Variants in GYS2 observed in about 807,000 individuals in gnomAD.
The protein encoded by GYS2 is glycogen [starch] synthase, liver.
Under a neutral mutation model 85.6 loss-of-function variants are expected in GYS2, and 80 were observed. That is an observed-to-expected ratio of 0.93 (90% CI 0.78 to 1.13). The LOEUF is 1.13. GYS2 is among the 50% of genes most tolerant of loss of function. GYS2 has a pLI of 0.00. For synonymous variants in GYS2, 328 were observed against 300.7 expected (o/e 1.09, Z -0.94); for missense variants, 881 against 854.9 (o/e 1.03, Z -0.38).
chr12:21,547,616 G>C (rs2136852729), intron 11 of GYS2, among the ~76,000 whole-genome samples: 1 of 152,300 alleles, frequency 6.6e-6, no homozygotes, highest in South Asian at 2.1e-4. Flanking sequence ...AGGCGTCAGG[G>C]GTGAGGGAGG....
At chr12:21,559,578 A>T in intron 9 of GYS2, 73 bp downstream of exon 9, 1 of 846,478 alleles carries the variant, frequency 1.2e-6, no homozygotes, top group Non-Finnish European at 2.0e-6. Flanking sequence ...TTAATAAGTT[A>T]TGATGTCTAA....
At chr12:21,583,051 G>A (rs944802212) in intron 1 of GYS2, among the ~76,000 whole-genome samples, 7 of 152,288 alleles carry the variant, frequency 4.6e-5, no homozygotes, top group African/African-American at 1.7e-4. Flanking sequence ...CAACTCTCCA[G>A]CTTTGTGCCA....
intron 1 of GYS2, 133 bp from the exon 2 acceptor site, chr12:21,580,656 A>G (rs1591803638): frequency 1.4e-6 from 1 of 736,290 alleles, no homozygotes; most frequent in Non-Finnish European, 2.4e-6. Context: ...TTTACCTTTC[A>G]AAAATAATAG....
chr12:21,537,360 A>G, intron 15 of GYS2, 185 bp from the exon 16 acceptor site: 1 of 621,880 alleles, frequency 1.6e-6, no homozygotes. Flanking sequence ...TTCAATATAT[A>G]GCTATTCTTT....
chr12:21,561,467 T>C (rs1944252090), intron 7 of GYS2, among the ~76,000 whole-genome samples: 1 of 151,700 alleles, frequency 6.6e-6, no homozygotes, highest in Non-Finnish European at 1.5e-5. Context: ...AGGCATACAA[T>C]AGGAAACTCA....
In GYS2 at chr12:21,537,699, A is replaced by C. The variant is rs181425411; in HGVS notation, c.1891-524T>G. Among the ~76,000 whole-genome samples, 440 of 152,342 alleles carry C rather than the reference A, an allele frequency of 2.9e-3. 2 individuals carry two copies. Among genetic ancestry groups the C allele is most frequent in the African/African-American group, 9.9e-3 (412 of 41,584 alleles). On this transcript the variant is annotated intron_variant, in intron 15 of 15. Coordinates refer to ENST00000261195, the MANE Select transcript of GYS2 (RefSeq NM_021957.4). ...ACCACTAGAAGGCATCCTGGAAGTC[A>C]GGTCACTTAATTGACTCTACAATTC...
At chr12:21,598,693 A>G (rs1565614239) in intron 1 of GYS2, among the ~76,000 whole-genome samples, 1 of 152,156 alleles carries the variant, frequency 6.6e-6, no homozygotes, top group Non-Finnish European at 1.5e-5. Flanking sequence ...ATACACATAT[A>G]TATTTTTAAA....
At chr12:21,589,467 A>G (rs947607174) in intron 1 of GYS2, among the ~76,000 whole-genome samples, 2 of 152,204 alleles carry the variant, frequency 1.3e-5, no homozygotes, top group Admixed American at 1.3e-4. Flanking sequence ...AAGATTACTG[A>G]CTAAGGGCAG....
chr12:21,585,228 C>T (rs532328996), intron 1 of GYS2, among the ~76,000 whole-genome samples: 1 of 152,246 alleles, frequency 6.6e-6, no homozygotes, highest in South Asian at 2.1e-4. Context: ...GGTCTTAGTT[C>T]CAGAGGGAGG....
chr12:21,553,720 A>C (rs1478299), intron 11 of GYS2, among the ~76,000 whole-genome samples: 110,156 of 151,936 alleles, frequency 0.73, 40,490 homozygotes, highest in South Asian at 0.79. Context: ...TGAATACAGG[A>C]AAAAGTGGTA....
Position 21,604,488 on chromosome 12 carries a change from C to T in GYS2, c.105G>A (p.Trp35Ter). Reference sequence around the variant, plus strand: ...AGTACAAACCTTTATTGGTCACTTCCCAAGCAACTTCAAAGAGCAGTAACT... The same window carrying T: ...AGTACAAACCTTTATTGGTCACTTCTCAAGCAACTTCAAAGAGCAGTAACT... ...VEELLLFEVAWEVTNKVGGIY... is the reference protein window; with the variant it reads ...VEELLLFEVA The change falls in exon 1 of 16, where the codon TGG becomes TGA. Residue 35 changes from tryptophan to a stop codon, truncating the protein, a stop_gained. Transcript: ENST00000261195. LOFTEE classifies it high-confidence loss of function. 6.2e-7 allele frequency: 1 copy of T among 1,610,378 alleles called. No homozygotes were observed. The highest frequency in any genetic ancestry group is 8.5e-7 in the Non-Finnish European group (1 of 1,176,898).
chr12:21,570,760 T>A (rs956830977), intron 4 of GYS2, among the ~76,000 whole-genome samples: 6 of 152,126 alleles, frequency 3.9e-5, no homozygotes, highest in Admixed American at 6.5e-5. Flanking sequence ...ATCACTGAAA[T>A]CCCTGAAGAT....
At chr12:21,592,755 A>G (rs1944653677) in intron 1 of GYS2, among the ~76,000 whole-genome samples, 1 of 152,058 alleles carries the variant, frequency 6.6e-6, no homozygotes, top group Non-Finnish European at 1.5e-5. Context: ...ACAAAGAAAC[A>G]TTGGATTTAA....
chr12:21,559,968 G>C (rs1404964111), intron 8 of GYS2, among the ~76,000 whole-genome samples: 1 of 152,130 alleles, frequency 6.6e-6, no homozygotes, highest in African/African-American at 2.4e-5. Context: ...ATTGGAACAG[G>C]ATAGAGAGCA....
intron 1 of GYS2, among the ~76,000 whole-genome samples, chr12:21,586,286 T>A (rs556610290): frequency 3.4e-4 from 51 of 152,234 alleles, no homozygotes; most frequent in Non-Finnish European, 5.7e-4. Context: ...CCCTCAAACA[T>A]TGGACTCCAA....
At chr12:21,582,344 A>C (rs549820436) in intron 1 of GYS2, among the ~76,000 whole-genome samples, 2 of 152,304 alleles carry the variant, frequency 1.3e-5, no homozygotes, top group South Asian at 4.1e-4. Flanking sequence ...TTGCCAGCAC[A>C]GCCAGGATAT....
rs1489045410 is a variant in GYS2 at position 21,563,345 on chromosome 12, T to C, written c.824A>G (p.Asp275Gly). 6.7e-7 allele frequency: 1 copy of C among 1,499,320 alleles called. No homozygotes were observed. The highest frequency in any genetic ancestry group is 1.1e-5 in the South Asian group (1 of 88,642). The allele number at this position is 1,499,320 out of a possible 1,614,324, so 92.9% of individuals were successfully genotyped here. The stretch of plus-strand genomic sequence containing the variant: ...ATTCAAGCCGTTTGGAGTAACTACA[T>C]CTAGAAAGGCAAAACAAAATTATTA... ...EAEHMLKRKP[D>G]VVTPNGLNVK... Residue 275 changes from aspartate (D) to glycine (G), a missense_variant and splice_region_variant, in exon 6 of 16, where the codon GAT (aspartate) becomes GGT (glycine). By Grantham distance (94) the Asp-to-Gly change is moderately conservative. Coordinates refer to ENST00000261195, the MANE Select transcript of GYS2 (RefSeq NM_021957.4).
chr12:21,536,694 C>A lies in GYS2; in HGVS notation c.*260G>T. ...CCACTTAAATTCACCATTTTAAAAA[C>A]ACTTTTCCGTCTTCTGCCTTTAATG... On this transcript the variant is annotated 3_prime_UTR_variant, in exon 16 of 16. Coordinates refer to ENST00000261195, the MANE Select transcript of GYS2 (RefSeq NM_021957.4). The A allele has an allele frequency of 4.1e-6, 2 of 485,056 alleles. No homozygotes were observed. The highest frequency in any genetic ancestry group is 2.3e-5 in the South Asian group (1 of 44,230). The allele number at this position is 485,056 out of a possible 1,614,324, so 30.0% of individuals were successfully genotyped here.
chr12:21,585,272 A>T (rs550992607), intron 1 of GYS2, among the ~76,000 whole-genome samples: 11 of 152,314 alleles, frequency 7.2e-5, no homozygotes, highest in Admixed American at 3.9e-4. Context: ...TAATGATTCC[A>T]TTAAACTGCA....
Sources: gnomAD v4.1 joint callset for allele counts (sites outside exome capture counted in the v4.1 genomes callset) on GRCh38, gnomAD v4.1.1 for gene constraint, MANE v1.5 for transcripts, NCBI Gene and HGNC (gene_info 2026-07-23, HGNC 2026-07-21) for gene names.